DYNC2H1: variants seen among roughly 807,000 people sequenced by gnomAD.
The protein encoded by DYNC2H1 is cytoplasmic dynein 2 heavy chain 1.
DYNC2H1 carries 410 observed loss-of-function variants against 570.0 expected under a neutral mutation model. The ratio of observed to expected loss-of-function variants is 0.72; its 90% confidence interval spans 0.66 to 0.78. DYNC2H1 has a LOEUF of 0.78. DYNC2H1 is among the 30% of genes least tolerant of loss of function. DYNC2H1 has a pLI of 0.00. For synonymous variants in DYNC2H1, 1,688 were observed against 1,677.6 expected (o/e 1.01, Z -0.15); for missense variants, 4,865 against 5,046.4 (o/e 0.96, Z 1.09).
At chr11:103,459,324 AAAAAAAAAAG>A (rs1432821387) in intron 87 of DYNC2H1, among the ~76,000 whole-genome samples, 32 of 149,274 alleles carry the variant, frequency 2.1e-4, no homozygotes, top group South Asian at 4.3e-4. Flanking sequence ...AAAAAAAAAA[AAAAAAAAAAG>A]GAAATTCCAT....
intron 87 of DYNC2H1, among the ~76,000 whole-genome samples, chr11:103,462,831 C>T (rs531247263): frequency 1.2e-4 from 18 of 152,140 alleles, no homozygotes; most frequent in South Asian, 2.1e-4. Context: ...ATATATGTGA[C>T]GCCTCTTAAT....
intron 12 of DYNC2H1, 47 bp from the exon 13 acceptor site, chr11:103,128,863 T>A: frequency 7.4e-7 from 1 of 1,355,522 alleles, no homozygotes; most frequent in Non-Finnish European, 1.0e-6. Flanking sequence ...AATAAAAAAT[T>A]AAAAATGAAG....
At chr11:103,215,439 ATATAT>A (rs1305489199) in intron 54 of DYNC2H1, among the ~76,000 whole-genome samples, 1 of 151,928 alleles carries the variant, frequency 6.6e-6, no homozygotes, top group Non-Finnish European at 1.5e-5. Context: ...TGTTGATGTG[ATATAT>A]TATGTTAGCT....
rs553669733 is a variant in DYNC2H1 at position 103,133,551 on chromosome 11, A to G, written c.1954-4A>G. 1 of 1,604,152 alleles carries G rather than the reference A, an allele frequency of 6.2e-7. No homozygotes were observed. Among genetic ancestry groups the G allele is most frequent in the South Asian group, 1.1e-5 (1 of 87,816 alleles). On this transcript the variant is annotated splice_polypyrimidine_tract_variant and splice_region_variant and intron_variant, in intron 13 of 88. Coordinates refer to ENST00000375735, the MANE Select transcript of DYNC2H1 (RefSeq NM_001377.3). This position sits in a 1 kb window ranked among gnomAD's most constrained non-coding sequence, Gnocchi z 4.8. Reference sequence around the variant, plus strand: ...CATACTAAAGGTTATTTATTGTACCATAGAATTCAAAAGCAGGAAGTGGAG... The same window carrying G: ...CATACTAAAGGTTATTTATTGTACCGTAGAATTCAAAAGCAGGAAGTGGAG...
At chr11:103,442,434 A>G (rs1359657587) in intron 85 of DYNC2H1, among the ~76,000 whole-genome samples, 1 of 152,158 alleles carries the variant, frequency 6.6e-6, no homozygotes, top group African/African-American at 2.4e-5. Context: ...TCAGAAAAAT[A>G]AAGCTTTTAC....
At chr11:103,112,576 C>G (rs1858164071) in intron 1 of DYNC2H1, among the ~76,000 whole-genome samples, 1 of 152,130 alleles carries the variant, frequency 6.6e-6, no homozygotes, top group Non-Finnish European at 1.5e-5. Flanking sequence ...TTTATGGACA[C>G]TGACATGTGG....
rs1201343144 is a variant in DYNC2H1, at chr11:103,133,265, A to G, written c.1954-290A>G. Among the ~76,000 whole-genome samples, 1 of 152,020 alleles carries G rather than the reference A, an allele frequency of 6.6e-6. No individual in the cohort carries two copies. Among genetic ancestry groups the G allele is most frequent in the Non-Finnish European group, 1.5e-5 (1 of 68,002 alleles). ...AGGAAACCCAGGTTTGTCGTGCCTT[A>G]ATTCCTCAGGTTTCTAGGCTGTCTG... is the stretch of plus-strand genomic sequence containing the variant. On this transcript the variant is annotated intron_variant, in intron 13 of 88. Coordinates refer to ENST00000375735, the MANE Select transcript of DYNC2H1 (RefSeq NM_001377.3). This position sits in a 1 kb window ranked among gnomAD's most constrained non-coding sequence, Gnocchi z 4.8.
intron 37 of DYNC2H1, among the ~76,000 whole-genome samples, 197 bp downstream of exon 37, chr11:103,176,631 T>C (rs1861829416): frequency 3.3e-5 from 5 of 152,202 alleles, no homozygotes; most frequent in African/African-American, 9.6e-5. Context: ...TCTTGTTTCA[T>C]GTTTGTGTGT....
chr11:103,378,512 G>A (rs1941495362), intron 83 of DYNC2H1, among the ~76,000 whole-genome samples: 1 of 152,146 alleles, frequency 6.6e-6, no homozygotes, highest in African/African-American at 2.4e-5. Flanking sequence ...TGATGGCTAG[G>A]ACTGCTTAGA....
chr11:103,336,566 T>G (rs4754064), intron 82 of DYNC2H1, among the ~76,000 whole-genome samples: 28,977 of 152,074 alleles, frequency 0.19, 2,949 homozygotes, highest in Admixed American at 0.27. Context: ...TATTTGTCTT[T>G]CTGTACCTGG....
chr11:103,435,528 T>C (rs375288381), intron 84 of DYNC2H1, among the ~76,000 whole-genome samples: 2 of 152,098 alleles, frequency 1.3e-5, no homozygotes, highest in Admixed American at 6.6e-5. Flanking sequence ...TTCATATGTC[T>C]CCATGTGGTT....
intron 85 of DYNC2H1, among the ~76,000 whole-genome samples, chr11:103,451,903 C>T (rs1277636178): frequency 6.6e-6 from 1 of 151,710 alleles, no homozygotes; most frequent in Non-Finnish European, 1.5e-5. Context: ...TGTGTTTTTC[C>T]AATTTAGTTT....
intron 84 of DYNC2H1, among the ~76,000 whole-genome samples, chr11:103,431,441 C>T (rs980850924): frequency 2.0e-5 from 3 of 152,040 alleles, no homozygotes; most frequent in African/African-American, 7.2e-5. Flanking sequence ...CCTGGATCTG[C>T]CATTTGCCAG....
intron 12 of DYNC2H1, 70 bp downstream of exon 12, chr11:103,125,365 GCTT>G: frequency 3.1e-6 from 3 of 957,808 alleles, no homozygotes; most frequent in Non-Finnish European, 2.8e-6. Flanking sequence ...TATGCTAAAG[GCTT>G]TTTTTTTTTT....
rs1040180634 is a variant in DYNC2H1, at chr11:103,392,595, C to G, written c.12157-7068C>G. Among the ~76,000 whole-genome samples the G allele has an allele frequency of 2.0e-5, 3 of 152,308 alleles. No homozygotes were observed. The East Asian group carries it at 5.8e-4, about 29-fold the overall frequency. On this transcript the variant is annotated intron_variant, in intron 83 of 88. Transcript: ENST00000375735. ...CGTCGCTCACGCTGGGAGCTTTAGACTGGAGCTGTTCCTATTCGGCCATCT... is the reference window on the plus strand; with the variant it reads ...CGTCGCTCACGCTGGGAGCTTTAGAGTGGAGCTGTTCCTATTCGGCCATCT...
At chr11:103,430,490 A>C (rs1943848857) in intron 84 of DYNC2H1, among the ~76,000 whole-genome samples, 1 of 151,426 alleles carries the variant, frequency 6.6e-6, no homozygotes, top group Admixed American at 6.6e-5. Context: ...TTTTTAACTC[A>C]CCTCCCTGAT....
intron 13 of DYNC2H1, among the ~76,000 whole-genome samples, chr11:103,131,363 G>A (rs916934736): frequency 6.6e-6 from 1 of 151,694 alleles, no homozygotes; most frequent in Non-Finnish European, 1.5e-5. Flanking sequence ...TCGCAATCTC[G>A]GCTCACTGCA....
At position 103,187,325 on chromosome 11, in the gene DYNC2H1, A is replaced by G. The variant is rs767285672; in HGVS notation, c.6894-15A>G. Reference sequence around the variant, plus strand: ...TGCATTTTTATCAAAGTCAGATGTCATGCATTTTTCGTAGGATGCTGCTCA... The same window carrying G: ...TGCATTTTTATCAAAGTCAGATGTCGTGCATTTTTCGTAGGATGCTGCTCA... On this transcript the variant is annotated splice_polypyrimidine_tract_variant and intron_variant, in intron 42 of 88. Coordinates refer to ENST00000375735, the MANE Select transcript of DYNC2H1 (RefSeq NM_001377.3). 5 of 1,612,482 alleles carry G rather than the reference A, an allele frequency of 3.1e-6. No homozygotes were observed. Among genetic ancestry groups the G allele is most frequent in the East Asian group, 2.2e-5 (1 of 44,798 alleles).
intron 54 of DYNC2H1, 99 bp downstream of exon 54, chr11:103,212,042 AAT>A: frequency 7.9e-7 from 1 of 1,258,236 alleles, no homozygotes. Context: ...ATCTGGTATT[AAT>A]AAATGTACTG....
Sources: gnomAD v4.1 joint callset for allele counts (sites outside exome capture counted in the v4.1 genomes callset) on GRCh38, gnomAD v4.1.1 for gene constraint, Gnocchi (gnomAD v3.1) non-coding constraint, MANE v1.5 for transcripts, NCBI Gene and HGNC (gene_info 2026-07-23, HGNC 2026-07-21) for gene names.